RFTN1: variants seen among roughly 807,000 people sequenced by gnomAD.
RFTN1 encodes raftlin.
RFTN1 carries 26 observed loss-of-function variants against 46.5 expected under a neutral mutation model. The ratio of observed to expected loss-of-function variants is 0.56; its 90% CI spans 0.41 to 0.78. The LOEUF (loss-of-function observed/expected upper bound fraction) is 0.78. Among genes scored for constraint, RFTN1 ranks in the 30% least tolerant of loss-of-function variants. RFTN1 has a pLI of 0.00. For synonymous variants in RFTN1, 261 were observed against 284.2 expected (o/e 0.92, Z 0.82); for missense variants, 693 against 718.7 (o/e 0.96, Z 0.41).
chr3:16,460,683 A>G lies in RFTN1; in HGVS notation c.146-26646T>C, dbSNP rs2075993477. On this transcript the variant is annotated intron_variant, in intron 2 of 9. Coordinates refer to ENST00000334133, the MANE Select transcript of RFTN1 (RefSeq NM_015150.2). The surrounding 1 kb of genome is among the most constrained non-coding windows in gnomAD (Gnocchi z 4.8). ...CATGTAAGAGGCCTGTTATACAGAT[A>G]ACTAACGCAAGAGACACGTGAGCAG... is the stretch of plus-strand genomic sequence containing the variant. Among the ~76,000 whole-genome samples, 3 of 152,300 alleles carry G rather than the reference A, an allele frequency of 2.0e-5. No homozygotes were observed. The South Asian group carries it at 6.2e-4, about 32-fold the overall frequency.
chr3:16,417,062 G>A (rs536823686), intron 3 of RFTN1, among the ~76,000 whole-genome samples: 9 of 144,938 alleles, frequency 6.2e-5, no homozygotes, highest in Admixed American at 3.5e-4. Flanking sequence ...AGGCTGAAGT[G>A]CGGTGGCATG....
chr3:16,396,422 A>G (rs1333123389), intron 4 of RFTN1, among the ~76,000 whole-genome samples: 2 of 152,354 alleles, frequency 1.3e-5, no homozygotes, highest in South Asian at 2.1e-4. Flanking sequence ...CAGACAGCAC[A>G]GCAAATTCTA....
At position 16,346,715 on chromosome 3, in the gene RFTN1, A is replaced by G. The variant is rs939029722; in HGVS notation, c.1146+11217T>C. On this transcript the variant is annotated intron_variant, in intron 7 of 9. Transcript: ENST00000334133. The surrounding 1 kb of genome is among the most constrained non-coding windows in gnomAD (Gnocchi z 4.4). ...GTTTCTGGGAAAGCTTTTACTTGCT[A>G]ATAAAAAGGGACGTGTGGCAGGAAA... is the stretch of plus-strand genomic sequence containing the variant. Among the ~76,000 whole-genome samples the G allele has an allele frequency of 6.6e-6, 1 of 152,186 alleles. No individual in the cohort carries two copies.
rs1358383412 is a variant in RFTN1, at chr3:16,384,715, ATAGG to A, written c.442-6617_442-6614del. ...AAAAAATAGAGAGCTGTGCTGTCCAATAGGTAGCCACTAGCCACATGTGGCTATT... is the reference window on the plus strand; with the variant it reads ...AAAAAATAGAGAGCTGTGCTGTCCAATAGCCACTAGCCACATGTGGCTATT... On this transcript the variant is annotated intron_variant, in intron 4 of 9. Transcript: ENST00000334133. This position sits in a 1 kb window ranked among gnomAD's most constrained non-coding sequence, Gnocchi z 4.7. Among the ~76,000 whole-genome samples the A allele has an allele frequency of 3.9e-5, 6 of 152,210 alleles. No homozygotes were observed. The highest frequency in any genetic ancestry group is 7.3e-5 in the Non-Finnish European group (5 of 68,038).
At chr3:16,399,762 T>C (rs1326917750) in intron 4 of RFTN1, among the ~76,000 whole-genome samples, 1 of 152,202 alleles carries the variant, frequency 6.6e-6, no homozygotes, top group Non-Finnish European at 1.5e-5. Flanking sequence ...CAGCTCATTC[T>C]GCAGTCATCC....
chr3:16,461,494 G>A (rs2076007644), intron 2 of RFTN1, among the ~76,000 whole-genome samples: 1 of 151,970 alleles, frequency 6.6e-6, no homozygotes, highest in African/African-American at 2.4e-5. Context: ...AAATACCTAG[G>A]GTTTTTCTGT....
intron 1 of RFTN1, among the ~76,000 whole-genome samples, chr3:16,494,462 GACCAAACT>G (rs2076592815): frequency 6.6e-6 from 1 of 152,084 alleles, no homozygotes; most frequent in Non-Finnish European, 1.5e-5. Context: ...TTCGTTTTTA[GACCAAACT>G]GCAGGAAATA....
At chr3:16,511,649 T>G (rs2076904258) in intron 1 of RFTN1, among the ~76,000 whole-genome samples, 3 of 152,052 alleles carry the variant, frequency 2.0e-5, no homozygotes. Flanking sequence ...GTTTCAATTC[T>G]GCTGAAAAGA....
intron 4 of RFTN1, among the ~76,000 whole-genome samples, chr3:16,395,424 G>A (rs566398508): frequency 3.3e-5 from 5 of 151,608 alleles, no homozygotes; most frequent in Admixed American, 6.6e-5. Context: ...CTTAAAATAC[G>A]ACTCATGAGA....
In RFTN1 at chr3:16,473,873, C is replaced by T. The variant is rs1163813272; in HGVS notation, c.145+19852G>A. 6.6e-6 allele frequency among the ~76,000 whole-genome samples: 1 copy of T among 152,214 alleles called. No individual in the cohort carries two copies. The highest frequency in any genetic ancestry group is 1.5e-5 in the Non-Finnish European group (1 of 68,034). On this transcript the variant is annotated intron_variant, in intron 2 of 9. Coordinates refer to ENST00000334133, the MANE Select transcript of RFTN1 (RefSeq NM_015150.2). This position sits in a 1 kb window ranked among gnomAD's most constrained non-coding sequence, Gnocchi z 5.3. The stretch of plus-strand genomic sequence containing the variant: ...AACCTACCTCTCCGGGCTGCCCTCG[C>T]CCTTGTGAACACTGACTTCTCTGAC...
intron 3 of RFTN1, among the ~76,000 whole-genome samples, chr3:16,415,430 T>TATATATAC: frequency 3.6e-4 from 41 of 114,346 alleles, no homozygotes; most frequent in African/African-American, 1.1e-3. Context: ...TATATATATA[T>TATATATAC]ACACACACAC....
At position 16,465,261 on chromosome 3, in the gene RFTN1, T is replaced by C. The variant is rs1255212827; in HGVS notation, c.145+28464A>G. 6.6e-6 allele frequency among the ~76,000 whole-genome samples: 1 copy of C among 151,990 alleles called. No homozygotes were observed. The highest frequency in any genetic ancestry group is 2.4e-5 in the African/African-American group (1 of 41,392). ...CTTAGTATTTCATAGAGGTTTTTGTTGTTGTTGTTCAGAAAATGAACATAT... is the reference window on the plus strand; with the variant it reads ...CTTAGTATTTCATAGAGGTTTTTGTCGTTGTTGTTCAGAAAATGAACATAT... On this transcript the variant is annotated intron_variant, in intron 2 of 9. Transcript: ENST00000334133. This position sits in a 1 kb window ranked among gnomAD's most constrained non-coding sequence, Gnocchi z 5.1.
chr3:16,414,307 A>AG (rs1553588867), intron 3 of RFTN1, among the ~76,000 whole-genome samples: 9 of 151,836 alleles, frequency 5.9e-5, no homozygotes, highest in East Asian at 5.8e-4. Flanking sequence ...AAAAAAAAAA[A>AG]AAAGAAAGAA....
chr3:16,470,277 A>T (rs563561870), intron 2 of RFTN1, among the ~76,000 whole-genome samples: 1 of 152,210 alleles, frequency 6.6e-6, no homozygotes, highest in South Asian at 2.1e-4. Context: ...AAACAAAACA[A>T]AACAAAGCAA....
intron 2 of RFTN1, among the ~76,000 whole-genome samples, chr3:16,438,080 C>G (rs1309249752): frequency 6.6e-6 from 1 of 152,130 alleles, no homozygotes; most frequent in Non-Finnish European, 1.5e-5. Flanking sequence ...CAAACAGCAT[C>G]TGTGAGTCAT....
In RFTN1 at chr3:16,338,307, C is replaced by A. The variant is rs1381066755; in HGVS notation, c.1147-11431G>T. ...CATGCAACCACGCAAGGCTCCTGAT[C>A]ACAGGGAAGGTAATGAGGCCGGACA... is the stretch of plus-strand genomic sequence containing the variant. On this transcript the variant is annotated intron_variant, in intron 7 of 9. Coordinates refer to ENST00000334133, the MANE Select transcript of RFTN1 (RefSeq NM_015150.2). This position sits in a 1 kb window ranked among gnomAD's most constrained non-coding sequence, Gnocchi z 5.3. Among the ~76,000 whole-genome samples the A allele has an allele frequency of 6.6e-6, 1 of 152,236 alleles. No homozygotes were observed. The highest frequency in any genetic ancestry group is 1.5e-5 in the Non-Finnish European group (1 of 68,040).
chr3:16,491,110 G>A (rs984919110), intron 2 of RFTN1, among the ~76,000 whole-genome samples: 1 of 152,190 alleles, frequency 6.6e-6, no homozygotes, highest in Non-Finnish European at 1.5e-5. Context: ...GGTAAGAAGT[G>A]CTATGGAGAA....
chr3:16,318,027 C>T (rs1372461507), intron 9 of RFTN1, among the ~76,000 whole-genome samples: 2 of 152,202 alleles, frequency 1.3e-5, no homozygotes, highest in African/African-American at 4.8e-5. Flanking sequence ...AGGCCGCTTC[C>T]CGGGGGCCCA....
At position 16,473,935 on chromosome 3, in the gene RFTN1, A is replaced by G. The variant is rs956057039; in HGVS notation, c.145+19790T>C. Among the ~76,000 whole-genome samples the G allele has an allele frequency of 2.0e-5, 3 of 152,204 alleles. No homozygotes were observed. The highest frequency in any genetic ancestry group is 4.4e-5 in the Non-Finnish European group (3 of 68,038). On this transcript the variant is annotated intron_variant, in intron 2 of 9. Coordinates refer to ENST00000334133, the MANE Select transcript of RFTN1 (RefSeq NM_015150.2). This position sits in a 1 kb window ranked among gnomAD's most constrained non-coding sequence, Gnocchi z 5.3. ...GTCCTGGTGACCTGGGCTGTGCCAC[A>G]TTCCACACTGTTCTATCGTGCAGTT...
Sources: gnomAD v4.1 joint callset for allele counts (sites outside exome capture counted in the v4.1 genomes callset) on GRCh38, gnomAD v4.1.1 for gene constraint, Gnocchi (gnomAD v3.1) non-coding constraint, MANE v1.5 for transcripts, NCBI Gene and HGNC (gene_info 2026-07-23, HGNC 2026-07-21) for gene names.